The following PLA2G4A variants were observed in gnomAD, a reference collection of about 807,000 sequenced individuals.
PLA2G4A encodes the protein phospholipase A2 group IVA, also known as cytosolic phospholipase A2.
In PLA2G4A, 40 loss-of-function variants were observed where a neutral mutation model predicts 81.9. The observed-to-expected ratio is 0.49, with a 90% CI of 0.38 to 0.64. PLA2G4A has a LOEUF of 0.64. Ranked by LOEUF, PLA2G4A falls within the 30% of genes least tolerant of loss-of-function variation. The pLI, the probability that PLA2G4A is intolerant of heterozygous loss-of-function variation, is 0.00. For synonymous variants in PLA2G4A, 302 were observed against 296.9 expected, an observed-to-expected ratio of 1.02 and a Z score of -0.18; for missense variants, 715 against 905.1, an observed-to-expected ratio of 0.79 and a Z score of 2.69.
intron 4 of PLA2G4A, 67 bp from the exon 5 acceptor site, chr1:186,894,031 A>G (rs1013449630): frequency 1.3e-6 from 1 of 770,226 alleles, no homozygotes; most frequent in African/African-American, 1.7e-5. Flanking sequence ...TGTGGTGGAA[A>G]TTATAGATGT....
chr1:186,874,452 G>C (rs776792954), intron 3 of PLA2G4A, among the ~76,000 whole-genome samples: 6 of 152,038 alleles, frequency 3.9e-5, no homozygotes, highest in Non-Finnish European at 7.4e-5. Context: ...TTAGAGCCAT[G>C]TTTCACTCCC....
At chr1:186,878,622 C>A (rs769341766) in intron 3 of PLA2G4A, among the ~76,000 whole-genome samples, 1 of 151,794 alleles carries the variant, frequency 6.6e-6, no homozygotes, top group Admixed American at 6.6e-5. Flanking sequence ...GTTAGTAAGG[C>A]ACTGTTGTTC....
chr1:186,946,588 C>G, intron 10 of PLA2G4A, 49 bp from the exon 11 acceptor site: 1 of 1,280,068 alleles, frequency 7.8e-7, no homozygotes, highest in Non-Finnish European at 1.1e-6. Context: ...CACACCATGC[C>G]ATAGCATTTT....
chr1:186,969,826 T>C (rs1330758769), intron 15 of PLA2G4A, among the ~76,000 whole-genome samples: 3 of 152,038 alleles, frequency 2.0e-5, no homozygotes, highest in South Asian at 2.1e-4. Context: ...AATGCTTACA[T>C]TGATTCCATA....
intron 3 of PLA2G4A, among the ~76,000 whole-genome samples, chr1:186,884,852 A>G (rs989872521): frequency 6.6e-6 from 1 of 151,146 alleles, no homozygotes; most frequent in Admixed American, 6.6e-5. Flanking sequence ...CCATGGTGCC[A>G]CTGCACTCCA....
intron 2 of PLA2G4A, among the ~76,000 whole-genome samples, chr1:186,861,803 T>C (rs755705991): frequency 6.6e-6 from 1 of 152,096 alleles, no homozygotes; most frequent in Non-Finnish European, 1.5e-5. Context: ...TTCTTCACCA[T>C]ATGACAGTTA....
At chr1:186,969,208 T>A (rs1225856224) in intron 15 of PLA2G4A, among the ~76,000 whole-genome samples, 3 of 151,768 alleles carry the variant, frequency 2.0e-5, no homozygotes, top group Admixed American at 1.3e-4. Flanking sequence ...TTCTTTCTTA[T>A]AATTTTAAAA....
intron 2 of PLA2G4A, among the ~76,000 whole-genome samples, chr1:186,864,693 T>G (rs1299587707): frequency 6.6e-6 from 1 of 151,198 alleles, no homozygotes; most frequent in Non-Finnish European, 1.5e-5. Flanking sequence ...GTTGAGTTCC[T>G]TATATATTCT....
At chr1:186,853,015 A>C (rs12070719) in intron 1 of PLA2G4A, among the ~76,000 whole-genome samples, 1 of 151,792 alleles carries the variant, frequency 6.6e-6, no homozygotes, top group East Asian at 1.9e-4. Context: ...GGAGCTTAAG[A>C]AGTAAGTGAT....
At chr1:186,923,475 C>G (rs1655437142) in intron 7 of PLA2G4A, among the ~76,000 whole-genome samples, 1 of 152,184 alleles carries the variant, frequency 6.6e-6, no homozygotes, top group Non-Finnish European at 1.5e-5. Context: ...CTGTGCTAGG[C>G]ACTAGAGAAG....
At chr1:186,832,674 T>C (rs1231566856) in intron 1 of PLA2G4A, among the ~76,000 whole-genome samples, 3 of 152,208 alleles carry the variant, frequency 2.0e-5, no homozygotes, top group Non-Finnish European at 4.4e-5. Flanking sequence ...TGGCCACTTA[T>C]ATGTCTATGT....
At chr1:186,951,891 T>C (rs1656574489) in intron 13 of PLA2G4A, among the ~76,000 whole-genome samples, 2 of 152,090 alleles carry the variant, frequency 1.3e-5, no homozygotes, top group African/African-American at 4.8e-5. Flanking sequence ...TCAGCCCTGA[T>C]TTGCCCCCCT....
chr1:186,972,885 G>T (rs1368742001), intron 15 of PLA2G4A, among the ~76,000 whole-genome samples: 1 of 152,150 alleles, frequency 6.6e-6, no homozygotes, highest in East Asian at 1.9e-4. Context: ...AAAAGTATCT[G>T]TATTTTTCCA....
intron 1 of PLA2G4A, among the ~76,000 whole-genome samples, chr1:186,837,728 C>A: frequency 1.2e-5 from 1 of 81,394 alleles, no homozygotes; most frequent in African/African-American, 5.7e-5. Context: ...CAGAGAGAGA[C>A]TCCGTCTCAA....
chr1:186,917,690 A>G (rs1655188548), intron 7 of PLA2G4A, among the ~76,000 whole-genome samples: 1 of 152,176 alleles, frequency 6.6e-6, no homozygotes, highest in Non-Finnish European at 1.5e-5. Context: ...GTTACCTTGT[A>G]GGGCTTTTCA....
chr1:186,985,047 C>A (rs1657849870), intron 17 of PLA2G4A, among the ~76,000 whole-genome samples: 1 of 152,172 alleles, frequency 6.6e-6, no homozygotes, highest in Non-Finnish European at 1.5e-5. Flanking sequence ...ACCTGTCTCT[C>A]AAGCAGCCTT....
At chr1:186,959,242 G>A (rs1225728824) in intron 14 of PLA2G4A, among the ~76,000 whole-genome samples, 5 of 152,032 alleles carry the variant, frequency 3.3e-5, no homozygotes, top group Non-Finnish European at 7.4e-5. Flanking sequence ...GCGGGTGTTC[G>A]CATTTGGAGA....
intron 12 of PLA2G4A, among the ~76,000 whole-genome samples, chr1:186,949,400 G>GAA (rs141166496): frequency 6.6e-5 from 1 of 15,098 alleles, no homozygotes; most frequent in South Asian, 4.5e-3. Flanking sequence ...AAAAGAAAAA[G>GAA]AAAGAAGAAA....
At chr1:186,934,106 T>A (rs1197298297) in intron 8 of PLA2G4A, among the ~76,000 whole-genome samples, 1 of 152,126 alleles carries the variant, frequency 6.6e-6, no homozygotes, top group African/African-American at 2.4e-5. Flanking sequence ...TCTGCCTGTT[T>A]AATGAGTAAT....
Sources: allele counts gnomAD v4.1 joint callset (sites outside exome capture counted in the v4.1 genomes callset), GRCh38; gene constraint gnomAD v4.1.1; transcripts MANE v1.5; gene names NCBI Gene and HGNC (gene_info 2026-07-23, HGNC 2026-07-21).